MARCHF8: variants seen among roughly 807,000 people sequenced by gnomAD.
MARCHF8 encodes the protein membrane associated ring-CH-type finger 8.
A neutral mutation model predicts 51.6 loss-of-function variants in MARCHF8; 40 were observed. That is an observed-to-expected ratio of 0.77 (90% CI 0.60 to 1.01). The LOEUF (loss-of-function observed/expected upper bound fraction) is 1.01. MARCHF8 is among the 50% of genes least tolerant of loss of function. The pLI, the probability that MARCHF8 is intolerant of heterozygous loss-of-function variation, is 0.00. For missense variants in MARCHF8, 685 were observed against 708.6 expected (o/e 0.97, Z 0.38); for synonymous variants, 263 against 280.3 (o/e 0.94, Z 0.62).
At chr10:45,528,179 A>G (rs1318207454) in intron 2 of MARCHF8, among the ~76,000 whole-genome samples, 1 of 152,242 alleles carries the variant, frequency 6.6e-6, no homozygotes, top group Non-Finnish European at 1.5e-5. Context: ...ATTCCCCTTA[A>G]GAAATGGAAG....
intron 3 of MARCHF8, among the ~76,000 whole-genome samples, chr10:45,482,937 T>A (rs564945467): frequency 6.6e-6 from 1 of 152,298 alleles, no homozygotes; most frequent in African/African-American, 2.4e-5. Context: ...GAGAGATCCA[T>A]ACGCAGATGA....
chr10:45,461,528 C>T, intron 5 of MARCHF8, 117 bp from the exon 6 acceptor site: 1 of 769,354 alleles, frequency 1.3e-6, no homozygotes, highest in South Asian at 4.2e-5. Flanking sequence ...ACAGAAGTGA[C>T]TATGGGCACA....
chr10:45,529,727 C>T lies in MARCHF8; in HGVS notation c.102+3383G>A, dbSNP rs142137132. On this transcript the variant is annotated intron_variant, in intron 2 of 7. Coordinates refer to ENST00000453424, the MANE Select transcript of MARCHF8 (RefSeq NM_001282866.2). ...AAAAAGTTAGAAATGCAAATAAAAG[C>T]GATGAAATACCATTTCACACCAGTC... 2.0e-5 allele frequency among the ~76,000 whole-genome samples: 3 copies of T among 152,206 alleles called. No individual in the cohort carries two copies. The East Asian group carries it at 5.8e-4, about 29-fold the overall frequency.
intron 2 of MARCHF8, among the ~76,000 whole-genome samples, chr10:45,501,792 A>T (rs2043284860): frequency 6.6e-6 from 1 of 152,164 alleles, no homozygotes; most frequent in East Asian, 1.9e-4. Flanking sequence ...AGACCTGAAC[A>T]TTTTTAAAAA....
Position 45,516,811 on chromosome 10 carries a change from A to G in MARCHF8, c.102+16299T>C, listed in dbSNP as rs12773818. On this transcript the variant is annotated intron_variant, in intron 2 of 7. Coordinates refer to ENST00000453424, the MANE Select transcript of MARCHF8 (RefSeq NM_001282866.2). Reference sequence around the variant, plus strand: ...GCTAAGAGTGCTCAAAAAAATCCTCAGAATTAACAGCGACATAAAGATCAT... The same window carrying G: ...GCTAAGAGTGCTCAAAAAAATCCTCGGAATTAACAGCGACATAAAGATCAT... Among the ~76,000 whole-genome samples the G allele has an allele frequency of 8.0e-3, 1,222 of 152,248 alleles. 9 individuals carry two copies. Among genetic ancestry groups the G allele is most frequent in the Non-Finnish European group, 0.013 (860 of 68,008 alleles).
At chr10:45,514,094 T>A (rs1430227311) in intron 2 of MARCHF8, among the ~76,000 whole-genome samples, 3 of 152,260 alleles carry the variant, frequency 2.0e-5, no homozygotes, top group Admixed American at 6.5e-5. Flanking sequence ...ATAATCTATA[T>A]GTTTAAATGC....
intron 1 of MARCHF8, among the ~76,000 whole-genome samples, chr10:45,556,810 T>G (rs1409487006): frequency 6.6e-6 from 1 of 152,048 alleles, no homozygotes; most frequent in Non-Finnish European, 1.5e-5. Flanking sequence ...TGCTAAACCT[T>G]CCAAAACCCT....
intron 1 of MARCHF8, among the ~76,000 whole-genome samples, chr10:45,586,499 G>C (rs1233078415): frequency 6.6e-6 from 1 of 152,014 alleles, no homozygotes; most frequent in South Asian, 2.1e-4. Flanking sequence ...TTACACCCAG[G>C]GGTGTAAATG....
intron 3 of MARCHF8, among the ~76,000 whole-genome samples, chr10:45,466,560 AG>A (rs1323777825): frequency 6.6e-6 from 1 of 152,114 alleles, no homozygotes; most frequent in Admixed American, 6.5e-5. Context: ...CATTGAAGGA[AG>A]CCCCCTTCCT....
chr10:45,506,826 T>G (rs2043394739), intron 2 of MARCHF8, among the ~76,000 whole-genome samples: 1 of 152,184 alleles, frequency 6.6e-6, no homozygotes, highest in Admixed American at 6.5e-5. Context: ...GTGGAAAATT[T>G]TCACTTCTTT....
chr10:45,580,376 G>C (rs2044541470), intron 1 of MARCHF8, among the ~76,000 whole-genome samples: 1 of 152,024 alleles, frequency 6.6e-6, no homozygotes, highest in African/African-American at 2.4e-5. Flanking sequence ...ATGAAAATAA[G>C]TAGGGAATAT....
intron 2 of MARCHF8, among the ~76,000 whole-genome samples, chr10:45,502,199 T>C (rs2043293257): frequency 6.6e-6 from 1 of 152,198 alleles, no homozygotes; most frequent in African/African-American, 2.4e-5. Flanking sequence ...TTCAAACAAA[T>C]GTCCTTCAAC....
rs935701414 is a variant in MARCHF8, at chr10:45,533,229, T to C, written c.-18A>G. On this transcript the variant is annotated 5_prime_UTR_variant, in exon 2 of 8. Transcript: ENST00000453424. ...ATGCTCATCCCAACCTCTTATCTGG[T>C]CGTCTTCTTCACAGAAGAGAGTCTC... 5.0e-5 allele frequency: 80 copies of C among 1,594,734 alleles called. No individual in the cohort carries two copies. The highest frequency in any genetic ancestry group is 6.8e-5 in the Non-Finnish European group (80 of 1,174,190).
chr10:45,589,721 C>G (rs977596137), intron 1 of MARCHF8, among the ~76,000 whole-genome samples: 4 of 152,170 alleles, frequency 2.6e-5, no homozygotes, highest in African/African-American at 9.7e-5. Flanking sequence ...CAAGGTTCAT[C>G]CATTTGTAGC....
At chr10:45,548,910 G>C (rs1319484309) in intron 1 of MARCHF8, among the ~76,000 whole-genome samples, 1 of 151,438 alleles carries the variant, frequency 6.6e-6, no homozygotes, top group Non-Finnish European at 1.5e-5. Context: ...CAAGAGAACT[G>C]CTTGAACCTG....
Position 45,534,213 on chromosome 10 carries a change from G to A in MARCHF8, c.-78-924C>T, listed in dbSNP as rs549803227. Among the ~76,000 whole-genome samples the A allele has an allele frequency of 5.9e-5, 8 of 135,908 alleles. No homozygotes were observed. The East Asian group carries it at 1.8e-3, about 30-fold the overall frequency. 89.2% of individuals were successfully genotyped at this position (135,908 alleles called of 152,430 possible). A position where few individuals can be genotyped will look rare whatever the true frequency, so the allele number is the denominator to read the frequency against. On this transcript the variant is annotated intron_variant, in intron 1 of 7. Transcript: ENST00000453424. Reference sequence around the variant, plus strand: ...CCTCCCCCCCACCAAAAAAAAAAGAGTATGTACATGAATGAGCATAGTTAT... The same window carrying A: ...CCTCCCCCCCACCAAAAAAAAAAGAATATGTACATGAATGAGCATAGTTAT...
chr10:45,563,202 T>C (rs1428344133), intron 1 of MARCHF8, among the ~76,000 whole-genome samples: 1 of 152,242 alleles, frequency 6.6e-6, no homozygotes, highest in East Asian at 1.9e-4. Context: ...AATTTTTTTA[T>C]TTTTTGTAGA....
intron 3 of MARCHF8, among the ~76,000 whole-genome samples, chr10:45,476,889 T>A (rs528004733): frequency 6.6e-6 from 1 of 152,260 alleles, no homozygotes; most frequent in Middle Eastern, 3.4e-3. Context: ...AATATTCAAA[T>A]TTTCAGTGTC....
At chr10:45,464,113 A>G (rs1842888688) in intron 4 of MARCHF8, 117 bp from the exon 5 acceptor site, 4 of 1,527,092 alleles carry the variant, frequency 2.6e-6, no homozygotes, top group African/African-American at 2.7e-5. Flanking sequence ...AACCACACAT[A>G]AAACTCGCCA....
Sources: allele counts gnomAD v4.1 joint callset (sites outside exome capture counted in the v4.1 genomes callset), GRCh38; gene constraint gnomAD v4.1.1; transcripts MANE v1.5; gene names NCBI Gene and HGNC (gene_info 2026-07-23, HGNC 2026-07-21).